The following UBR2 variants were observed in gnomAD, a reference collection of about 807,000 sequenced individuals.
UBR2 encodes ubiquitin protein ligase E3 component n-recognin 2.
Under a neutral mutation model 247.9 loss-of-function variants are expected in UBR2, and 92 were observed. That is an observed-to-expected ratio of 0.37 (90% CI 0.31 to 0.44). UBR2 has a LOEUF of 0.44. UBR2 is among the 20% of genes least tolerant of loss of function. The probability of loss-of-function intolerance (pLI) is 1.00; values close to 1 mark genes in which losing one functional copy is unlikely to be tolerated. For synonymous variants in UBR2, 672 were observed against 693.5 expected (o/e 0.97, Z 0.49); for missense variants, 1,613 against 2,112.6 (o/e 0.76, Z 4.64).
intron 38 of UBR2, among the ~76,000 whole-genome samples, chr6:42,675,069 C>G (rs183409219): frequency 1.7e-4 from 26 of 152,306 alleles, no homozygotes; most frequent in African/African-American, 6.0e-4. Flanking sequence ...GATTCTGCCC[C>G]TTTAAGTTGG....
At chr6:42,608,376 A>G (rs2151931794) in intron 7 of UBR2, among the ~76,000 whole-genome samples, 1 of 152,342 alleles carries the variant, frequency 6.6e-6, no homozygotes, top group East Asian at 1.9e-4. Flanking sequence ...CTGTAATCCT[A>G]GCATTTTGGA....
chr6:42,632,599 G>A lies in UBR2; in HGVS notation c.1329G>A (p.Lys443=). The part of the protein sequence containing the change: ...TEENLMSIII[K]TFMDHLRHRD... ...AAAACTTAATGAGCATTATCATTAA[G>A]ACTTTTATGGATCATTTGAGACATC... Residue 443 remains lysine, a synonymous_variant, in exon 12 of 47, where the codon AAG becomes AAA. Coordinates refer to ENST00000372901, the MANE Select transcript of UBR2 (RefSeq NM_001363705.2). 1.2e-6 allele frequency: 2 copies of A among 1,612,830 alleles called. No individual in the cohort carries two copies. The highest frequency in any genetic ancestry group is 8.5e-7 in the Non-Finnish European group (1 of 1,179,602).
intron 34 of UBR2, among the ~76,000 whole-genome samples, chr6:42,667,587 CTTTTTTTTTT>C (rs1161068427): frequency 6.3e-5 from 3 of 47,428 alleles, no homozygotes; most frequent in African/African-American, 1.8e-4. Flanking sequence ...ACAGTTTTGT[CTTTTTTTTTT>C]TTTTTTTTTT....
intron 1 of UBR2, among the ~76,000 whole-genome samples, chr6:42,569,419 A>G (rs986674616): frequency 2.6e-5 from 4 of 152,130 alleles, no homozygotes; most frequent in African/African-American, 9.7e-5. Context: ...ATGTTGGAAC[A>G]TCTTTTTATG....
chr6:42,644,238 A>C lies in UBR2; in HGVS notation c.2122A>C (p.Asn708His). The change falls in exon 19 of 47, where the codon AAT becomes CAT. Residue 708 changes from asparagine (N) to histidine (H), a missense_variant. This residue lies in a region of UBR2 where 1,524 missense variants were observed against 1,967.3 expected (regional missense o/e 0.77). Transcript: ENST00000372901. ...GACAGGTGTCTCCATGATGGATCCA[A>C]ATCATTTCCTGATGATCATGCTCAG... The part of the protein sequence containing the change: ...LQTGVSMMDP[N>H]HFLMIMLSRF... 6.2e-7 allele frequency: 1 copy of C among 1,611,916 alleles called. No homozygotes were observed. Among genetic ancestry groups the C allele is most frequent in the Non-Finnish European group, 8.5e-7 (1 of 1,179,590 alleles).
chr6:42,614,320 A>ATATGTG (rs1794327588), intron 8 of UBR2, among the ~76,000 whole-genome samples: 1 of 80,954 alleles, frequency 1.2e-5, no homozygotes. Flanking sequence ...ATGGGTATGT[A>ATATGTG]TATATGTGTA....
chr6:42,612,122 T>C (rs779191266), intron 7 of UBR2, 49 bp from the exon 8 acceptor site: 2 of 1,457,096 alleles, frequency 1.4e-6, no homozygotes, highest in Non-Finnish European at 1.9e-6. Flanking sequence ...GTTCTGCCAA[T>C]AGAATAGCTT....
At position 42,658,844 on chromosome 6, in the gene UBR2, AAAT is replaced by A; in HGVS notation, c.3242+21_3242+23del. The A allele has an allele frequency of 1.3e-6, 2 of 1,509,746 alleles. No homozygotes were observed. The highest frequency in any genetic ancestry group is 2.4e-5 in the East Asian group (1 of 41,406). The allele number at this position is 1,509,746 out of a possible 1,614,324, so 93.5% of individuals were successfully genotyped here. A position where few individuals can be genotyped will look rare whatever the true frequency, so the allele number is the denominator to read the frequency against. ...TCATAGGTAAAAAAAAAAAAAAAAA[AAAT>A]TAATGTCTTGACGAGTTTTTCCCAA... is the stretch of plus-strand genomic sequence containing the variant. On this transcript the variant is annotated intron_variant, in intron 29 of 46. Coordinates refer to ENST00000372901, the MANE Select transcript of UBR2 (RefSeq NM_001363705.2).
At chr6:42,590,984 G>A (rs555026315) in intron 2 of UBR2, among the ~76,000 whole-genome samples, 1 of 152,340 alleles carries the variant, frequency 6.6e-6, no homozygotes, top group South Asian at 2.1e-4. Flanking sequence ...AGGTGCGGTG[G>A]CCCATGCCTG....
At chr6:42,651,715 T>G (rs1354466031) in intron 23 of UBR2, among the ~76,000 whole-genome samples, 2 of 150,680 alleles carry the variant, frequency 1.3e-5, no homozygotes, top group Non-Finnish European at 3.0e-5. Context: ...GCTCTCGAAC[T>G]CCTGACCTCA....
intron 45 of UBR2, among the ~76,000 whole-genome samples, chr6:42,688,788 A>G (rs963174495): frequency 1.3e-5 from 2 of 152,220 alleles, no homozygotes; most frequent in African/African-American, 2.4e-5. Context: ...AGTGACTACT[A>G]TGTACCAGGC....
intron 11 of UBR2, chr6:42,619,426 TATATATATATATATATATATATATA>T (rs1387293470): frequency 6.7e-4 from 10 of 14,952 alleles, no homozygotes; most frequent in Non-Finnish European, 1.2e-3. Context: ...TATATATATA[TATATATATATATATATATATATATA>T]TATTTTTTTT....
chr6:42,639,814 C>T (rs1796313867), intron 15 of UBR2, among the ~76,000 whole-genome samples: 1 of 152,152 alleles, frequency 6.6e-6, no homozygotes, highest in African/African-American at 2.4e-5. Flanking sequence ...GTACATACAA[C>T]TAAGACTAGT....
Position 42,686,373 on chromosome 6 carries a change from T to C in UBR2, c.4853+1502T>C, listed in dbSNP as rs547065526. ...TAACCCTTAGTGGACACAGCACATG[T>C]TTCAGAGAGCACGGGGTTGGGGGTA... On this transcript the variant is annotated intron_variant, in intron 44 of 46. Transcript: ENST00000372901. Among the ~76,000 whole-genome samples, 47 of 151,922 alleles carry C rather than the reference T, an allele frequency of 3.1e-4. No individual in the cohort carries two copies. In the South Asian group the frequency reaches 9.0e-3, roughly 29 times the overall value.
intron 7 of UBR2, among the ~76,000 whole-genome samples, chr6:42,608,786 C>G (rs1793877506): frequency 6.6e-6 from 1 of 152,068 alleles, no homozygotes; most frequent in African/African-American, 2.4e-5. Context: ...ATTTCCTATG[C>G]ATATTCTTAT....
intron 13 of UBR2, among the ~76,000 whole-genome samples, chr6:42,635,200 GT>G (rs931712427): frequency 6.6e-6 from 1 of 152,010 alleles, no homozygotes; most frequent in Non-Finnish European, 1.5e-5. Flanking sequence ...GAAATAATGT[GT>G]TTATTGGGAT....
chr6:42,645,331 C>A, intron 20 of UBR2, 135 bp from the exon 21 acceptor site: 1 of 822,892 alleles, frequency 1.2e-6, no homozygotes, highest in Non-Finnish European at 1.9e-6. Context: ...TGGCTTATTG[C>A]AGAACAGTCA....
At position 42,658,846 on chromosome 6, in the gene UBR2, AT is replaced by A. The variant is rs771245193; in HGVS notation, c.3242+24del. 1.0e-5 allele frequency: 14 copies of A among 1,355,190 alleles called. No homozygotes were observed. In the East Asian group the frequency reaches 1.3e-4, roughly 12 times the overall value. The allele number at this position is 1,355,190 out of a possible 1,614,324, so 83.9% of individuals were successfully genotyped here. On this transcript the variant is annotated intron_variant, in intron 29 of 46. Coordinates refer to ENST00000372901, the MANE Select transcript of UBR2 (RefSeq NM_001363705.2). ...ATAGGTAAAAAAAAAAAAAAAAAAA[AT>A]TAATGTCTTGACGAGTTTTTCCCAA...
chr6:42,590,920 A>G (rs915708277), intron 2 of UBR2, among the ~76,000 whole-genome samples: 5 of 152,254 alleles, frequency 3.3e-5, no homozygotes, highest in Non-Finnish European at 7.3e-5. Flanking sequence ...TAATCTGTAT[A>G]GTACTGGCCT....
Sources: gnomAD v4.1 joint callset for allele counts (sites outside exome capture counted in the v4.1 genomes callset) on GRCh38, gnomAD v4.1.1 for gene constraint, gnomAD v4.1.1 regional missense constraint, MANE v1.5 for transcripts, NCBI Gene and HGNC (gene_info 2026-07-23, HGNC 2026-07-21) for gene names.